Variants in ARHGEF10 observed in about 807,000 individuals in gnomAD.
The protein encoded by ARHGEF10 is Rho guanine nucleotide exchange factor 10, also known as Rho guanine nucleotide exchange factor (GEF) 10.
ARHGEF10 carries 140 observed loss-of-function variants against 147.4 expected under a neutral mutation model. The ratio of observed to expected loss-of-function variants is 0.95; its 90% CI spans 0.83 to 1.09. The LOEUF (loss-of-function observed/expected upper bound fraction) is 1.09. ARHGEF10 is among the 50% of genes least tolerant of loss of function. The pLI is 0.00. For synonymous variants in ARHGEF10, 902 were observed against 695.8 expected (o/e 1.30, Z -4.67); for missense variants, 2,222 against 1,752.7 (o/e 1.27, Z -4.78).
Position 1,937,043 on chromosome 8 carries a change from C to A in ARHGEF10, c.3222+3101C>A, listed in dbSNP as rs1025489376. On this transcript the variant is annotated intron_variant, in intron 26 of 28. Coordinates refer to ENST00000349830, the MANE Select transcript of ARHGEF10 (RefSeq NM_014629.4). This position sits in a 1 kb window ranked among gnomAD's most constrained non-coding sequence, Gnocchi z 4.9. ...TCTGCCGTGGATCATGAATAGCATT[C>A]CCGCGTGAGTCTTTTTTTGACACAG... Among the ~76,000 whole-genome samples, 3 of 152,226 alleles carry A rather than the reference C, an allele frequency of 2.0e-5. No individual in the cohort carries two copies. Among genetic ancestry groups the A allele is most frequent in the South Asian group, 2.1e-4 (1 of 4,832 alleles).
chr8:1,883,355 C>T (rs910697704), intron 10 of ARHGEF10, among the ~76,000 whole-genome samples: 7 of 152,036 alleles, frequency 4.6e-5, no homozygotes, highest in African/African-American at 1.4e-4. Context: ...GGTCGAGTTA[C>T]GGGAGGGTGA....
At chr8:1,935,187 G>C (rs981063723) in intron 26 of ARHGEF10, among the ~76,000 whole-genome samples, 1 of 151,954 alleles carries the variant, frequency 6.6e-6, no homozygotes, top group Admixed American at 6.6e-5. Flanking sequence ...AATTTTCCAT[G>C]TACCCCTCCT....
At chr8:1,888,884 A>G in intron 11 of ARHGEF10, among the ~76,000 whole-genome samples, 1 of 129,546 alleles carries the variant, frequency 7.7e-6, no homozygotes, top group African/African-American at 3.7e-5. Context: ...GAGAGTTATG[A>G]GGAGACACTG....
intron 18 of ARHGEF10, among the ~76,000 whole-genome samples, chr8:1,918,919 G>A (rs1290871018): frequency 6.6e-6 from 1 of 151,576 alleles, no homozygotes; most frequent in Non-Finnish European, 1.5e-5. Context: ...GAGGTGTTCT[G>A]TGAGTGATGG....
intron 23 of ARHGEF10, 129 bp from the exon 24 acceptor site, chr8:1,928,298 A>G: frequency 1.2e-6 from 1 of 835,788 alleles, no homozygotes. Flanking sequence ...ATTTTTTTTT[A>G]TTTTTTTAAG....
At chr8:1,849,968 C>CCGG (rs1804929185) in intron 2 of ARHGEF10, among the ~76,000 whole-genome samples, 1 of 95,668 alleles carries the variant, frequency 1.0e-5, no homozygotes, top group Non-Finnish European at 2.2e-5. Context: ...CTGAGGAGGG[C>CCGG]GTGGGCCGGC....
At chr8:1,892,277 C>CTGTGTGTGTGTGTGTGTGTG (rs66526026) in intron 11 of ARHGEF10, among the ~76,000 whole-genome samples, 28 of 126,644 alleles carry the variant, frequency 2.2e-4, no homozygotes, top group African/African-American at 7.4e-4. Context: ...GCTTCTGGCT[C>CTGTGTGTGTGTGTGTGTGTG]TGTGTGTGTG....
rs115781544 is a variant in ARHGEF10, at chr8:1,926,482, G to C, written c.2697+19G>C. The C allele has an allele frequency of 2.5e-6, 4 of 1,607,232 alleles. No individual in the cohort carries two copies. The South Asian group carries it at 4.4e-5, about 18-fold the overall frequency. On this transcript the variant is annotated intron_variant, in intron 23 of 28. Transcript: ENST00000349830. ...CCTGTGGGTAAGATGTGTTTATTTGGTTTTGGTACAAGTTCACAGAGAATC... is the reference window on the plus strand; with the variant it reads ...CCTGTGGGTAAGATGTGTTTATTTGCTTTTGGTACAAGTTCACAGAGAATC...
At chr8:1,898,598 T>C in intron 15 of ARHGEF10, 73 bp downstream of exon 15, 1 of 1,450,900 alleles carries the variant, frequency 6.9e-7, no homozygotes, top group Non-Finnish European at 9.6e-7. Flanking sequence ...ATGGCGTCTG[T>C]TCCTCCACTT....
intron 28 of ARHGEF10, among the ~76,000 whole-genome samples, chr8:1,955,355 A>T (rs1563339765): frequency 7.3e-6 from 1 of 137,360 alleles, no homozygotes; most frequent in East Asian, 2.2e-4. Context: ...GTTTCTCTGG[A>T]TGGGTAGCTA....
chr8:1,898,615 G>A (rs1810211516), intron 15 of ARHGEF10, 90 bp downstream of exon 15: 1 of 1,333,592 alleles, frequency 7.5e-7, no homozygotes, highest in Admixed American at 1.9e-5. Flanking sequence ...ACTTTGGAAT[G>A]GCTGCCCCTC....
intron 11 of ARHGEF10, among the ~76,000 whole-genome samples, chr8:1,888,498 TC>T (rs1451946944): frequency 5.1e-4 from 62 of 121,492 alleles, no homozygotes; most frequent in African/African-American, 2.0e-3. Flanking sequence ...GGGTAAGAAG[TC>T]TGTGGAGATA....
At chr8:1,856,905 C>T (rs746477708) in intron 2 of ARHGEF10, among the ~76,000 whole-genome samples, 4 of 152,134 alleles carry the variant, frequency 2.6e-5, no homozygotes, top group Non-Finnish European at 4.4e-5. Flanking sequence ...CTGGGTGTGC[C>T]GGGTGGTGTT....
intron 1 of ARHGEF10, among the ~76,000 whole-genome samples, chr8:1,835,330 G>A (rs1335417456): frequency 6.6e-6 from 1 of 152,236 alleles, no homozygotes; most frequent in East Asian, 1.9e-4. Context: ...CCACGCGGCA[G>A]CCCTGTGAGT....
intron 27 of ARHGEF10, among the ~76,000 whole-genome samples, chr8:1,949,271 T>C (rs1393222510): frequency 6.6e-6 from 1 of 152,246 alleles, no homozygotes; most frequent in East Asian, 1.9e-4. Flanking sequence ...GCTAAGGCCC[T>C]GGCTTTTCTC....
rs1173276442 is a variant in ARHGEF10 at position 1,859,105 on chromosome 8, C to T, written c.194-792C>T. 1.3e-4 allele frequency among the ~76,000 whole-genome samples: 20 copies of T among 149,660 alleles called. 1 individual carries two copies. The highest frequency in any genetic ancestry group is 7.1e-3 in the Middle Eastern group (2 of 282). ...TTCTTTGTGCATAGTACCCGCCTCT[C>T]TGCTTGCACGGTGTTTCTTTGTGCG... is the stretch of plus-strand genomic sequence containing the variant. On this transcript the variant is annotated intron_variant, in intron 3 of 28. Coordinates refer to ENST00000349830, the MANE Select transcript of ARHGEF10 (RefSeq NM_014629.4).
At position 1,903,438 on chromosome 8, in the gene ARHGEF10, G is replaced by A. The variant is rs745755987; in HGVS notation, c.1808G>A (p.Arg603Lys). The change falls in exon 16 of 29, where the codon AGA becomes AAA. Residue 603 changes from arginine (R) to lysine (K), a missense_variant. By Grantham distance (26) the Arg-to-Lys change is conservative. Coordinates refer to ENST00000349830, the MANE Select transcript of ARHGEF10 (RefSeq NM_014629.4). ...VKQIAKAINE[R>K]YLNKLLSSGS... ...CAAATAGCCAAAGCCATAAACGAAA[G>A]ATACCTGAACAAGGTTGAGAGAGGT... is the stretch of plus-strand genomic sequence containing the variant. The A allele has an allele frequency of 1.2e-6, 2 of 1,614,176 alleles. No individual in the cohort carries two copies. Among genetic ancestry groups the A allele is most frequent in the Non-Finnish European group, 1.7e-6 (2 of 1,180,042 alleles).
rs965459409 is a variant in ARHGEF10, at chr8:1,937,765, G to A, written c.3222+3823G>A. Among the ~76,000 whole-genome samples the A allele has an allele frequency of 1.3e-5, 2 of 152,326 alleles. No homozygotes were observed. The highest frequency in any genetic ancestry group is 3.9e-4 in the East Asian group (2 of 5,172). On this transcript the variant is annotated intron_variant, in intron 26 of 28. Coordinates refer to ENST00000349830, the MANE Select transcript of ARHGEF10 (RefSeq NM_014629.4). The surrounding 1 kb of genome is among the most constrained non-coding windows in gnomAD (Gnocchi z 4.9). ...CAGCAGCTGCGGGGGGATCCGTCCCGAATGGCCATATGCTGTCAGAACAGT... is the reference window on the plus strand; with the variant it reads ...CAGCAGCTGCGGGGGGATCCGTCCCAAATGGCCATATGCTGTCAGAACAGT...
At chr8:1,921,771 A>G (rs1812309591) in intron 18 of ARHGEF10, among the ~76,000 whole-genome samples, 1 of 151,970 alleles carries the variant, frequency 6.6e-6, no homozygotes, top group Admixed American at 6.6e-5. Flanking sequence ...GAATTTCAGG[A>G]GGTCCACATC....
Sources: allele counts gnomAD v4.1 joint callset (sites outside exome capture counted in the v4.1 genomes callset), GRCh38; gene constraint gnomAD v4.1.1; non-coding constraint Gnocchi (gnomAD v3.1); transcripts MANE v1.5; gene names NCBI Gene and HGNC (gene_info 2026-07-23, HGNC 2026-07-21).